CCDC50: variants seen among roughly 807,000 people sequenced by gnomAD.
The protein encoded by CCDC50 is coiled-coil domain containing 50, also known as coiled-coil domain-containing protein 50.
A neutral mutation model predicts 70.2 loss-of-function variants in CCDC50; 54 were observed. That is an observed-to-expected ratio of 0.77 (90% CI 0.62 to 0.96). CCDC50 has a LOEUF of 0.96. Ranked by LOEUF, CCDC50 falls within the 50% of genes least tolerant of loss-of-function variation. The pLI is 0.00. For missense variants in CCDC50, 558 were observed against 578.7 expected, an observed-to-expected ratio of 0.96 and a Z score of 0.37; for synonymous variants, 216 against 198.8, an observed-to-expected ratio of 1.09 and a Z score of -0.73.
rs1354888360 is a variant in CCDC50, at chr3:191,395,896, A to C, written c.*4136A>C. The stretch of plus-strand genomic sequence containing the variant: ...TATCTGCTTATCTTACTGTTGATAG[A>C]ATACTTTTTTTCTTTTTAGCCCATG... On this transcript the variant is annotated 3_prime_UTR_variant, in exon 12 of 12. Coordinates refer to ENST00000392455, the MANE Select transcript of CCDC50 (RefSeq NM_178335.3). The C allele has an allele frequency of 6.6e-6, 1 of 152,148 alleles. No individual in the cohort carries two copies. The highest frequency in any genetic ancestry group is 1.5e-5 in the Non-Finnish European group (1 of 68,004). The allele number at this position is 152,148 out of a possible 1,614,324, so 9.4% of individuals were successfully genotyped here.
Position 191,396,234 on chromosome 3 carries a change from T to G in CCDC50, c.*4474T>G, listed in dbSNP as rs1447529794. ...GGAGCAGTACTGCCTTAAATTAGTT[T>G]GACTCTGACTGATGTCAGTGTACGT... On this transcript the variant is annotated 3_prime_UTR_variant, in exon 12 of 12. Transcript: ENST00000392455. The G allele has an allele frequency of 1.3e-5, 2 of 152,194 alleles. No individual in the cohort carries two copies. The highest frequency in any genetic ancestry group is 2.9e-5 in the Non-Finnish European group (2 of 68,032). The allele number at this position is 152,194 out of a possible 1,614,324, so 9.4% of individuals were successfully genotyped here.
chr3:191,342,556 A>C (rs554794683), intron 1 of CCDC50, among the ~76,000 whole-genome samples: 2 of 152,290 alleles, frequency 1.3e-5, no homozygotes, highest in Admixed American at 6.5e-5. Context: ...GTAAACTTGT[A>C]CTTAAGCTGG....
At chr3:191,390,406 A>G (rs915893248) in intron 11 of CCDC50, among the ~76,000 whole-genome samples, 10 of 5,820 alleles carry the variant, frequency 1.7e-3, no homozygotes, top group African/African-American at 6.3e-3. Flanking sequence ...TCCAAGAAGA[A>G]GGTTCGAATA....
intron 10 of CCDC50, among the ~76,000 whole-genome samples, chr3:191,383,718 GCTTTCAGAAGATAAT>G (rs1263569020): frequency 1.3e-5 from 2 of 152,054 alleles, no homozygotes; most frequent in African/African-American, 4.8e-5. Context: ...AAACTCATTT[GCTTTCAGAAGATAAT>G]CTTTCAGAAA....
chr3:191,366,244 AT>A (rs1712685628), intron 4 of CCDC50, among the ~76,000 whole-genome samples: 1 of 152,174 alleles, frequency 6.6e-6, no homozygotes, highest in Admixed American at 6.6e-5. Flanking sequence ...AAGCTAAAGA[AT>A]TTGACACAGG....
intron 1 of CCDC50, among the ~76,000 whole-genome samples, chr3:191,349,307 T>C (rs1200640818): frequency 7.0e-6 from 1 of 142,458 alleles, no homozygotes; most frequent in Non-Finnish European, 1.6e-5. Context: ...TAGGGAGACA[T>C]TTCTTTTGTA....
At chr3:191,344,289 T>C (rs1250182798) in intron 1 of CCDC50, among the ~76,000 whole-genome samples, 15 of 152,336 alleles carry the variant, frequency 9.8e-5, no homozygotes. Flanking sequence ...TCTAGAGCAG[T>C]CCTATCTAAT....
chr3:191,330,060 A>T (rs909987878), intron 1 of CCDC50, among the ~76,000 whole-genome samples: 4 of 152,016 alleles, frequency 2.6e-5, no homozygotes, highest in Non-Finnish European at 5.9e-5. Context: ...CTCCGCTTCT[A>T]AAAAATCGAG....
At chr3:191,372,902 G>A (rs1216495793) in intron 5 of CCDC50, among the ~76,000 whole-genome samples, 2 of 152,004 alleles carry the variant, frequency 1.3e-5, no homozygotes, top group African/African-American at 2.4e-5. Context: ...ATAAAATGGA[G>A]ATTATAAAAG....
intron 1 of CCDC50, among the ~76,000 whole-genome samples, chr3:191,356,573 G>A (rs1712289474): frequency 6.6e-6 from 1 of 152,212 alleles, no homozygotes; most frequent in African/African-American, 2.4e-5. Context: ...GCCCCTACCT[G>A]AGGGACTAGT....
intron 4 of CCDC50, among the ~76,000 whole-genome samples, chr3:191,368,474 A>G (rs1016216898): frequency 6.6e-6 from 1 of 152,076 alleles, no homozygotes; most frequent in African/African-American, 2.4e-5. Context: ...TTGTAAGGCT[A>G]TTTGGATGAA....
rs186394243 is a variant in CCDC50, at chr3:191,350,295, C to T, written c.50-6793C>T. The stretch of plus-strand genomic sequence containing the variant: ...CTTTCTTGTTCATAGTAGATGTTTT[C>T]ATGTATACAGAACAAAGGAAAGCAA... On this transcript the variant is annotated intron_variant, in intron 1 of 11. Coordinates refer to ENST00000392455, the MANE Select transcript of CCDC50 (RefSeq NM_178335.3). Among the ~76,000 whole-genome samples, 51 of 141,836 alleles carry T rather than the reference C, an allele frequency of 3.6e-4. 6 individuals are homozygous for T. Among genetic ancestry groups the T allele is most frequent in the African/African-American group, 1.1e-3 (45 of 39,936 alleles). 93.0% of individuals were successfully genotyped at this position (141,836 alleles called of 152,430 possible). A position where few individuals can be genotyped will look rare whatever the true frequency, so the allele number is the denominator to read the frequency against.
At chr3:191,372,501 T>C (rs781703986) in intron 5 of CCDC50, among the ~76,000 whole-genome samples, 2 of 152,184 alleles carry the variant, frequency 1.3e-5, no homozygotes, top group Admixed American at 6.6e-5. Flanking sequence ...GCAGTGGTCC[T>C]TTTCCAACAC....
intron 4 of CCDC50, among the ~76,000 whole-genome samples, chr3:191,368,802 GC>G (rs1274286207): frequency 9.2e-5 from 14 of 152,092 alleles, no homozygotes; most frequent in Non-Finnish European, 1.5e-4. Flanking sequence ...ATTTGTATGA[GC>G]CTTTAAGAAT....
chr3:191,350,529 C>T (rs922721389), intron 1 of CCDC50, among the ~76,000 whole-genome samples: 3 of 141,750 alleles, frequency 2.1e-5, no homozygotes, highest in Non-Finnish European at 4.8e-5. Context: ...TTGTAATTTC[C>T]GAAAGTCTTA....
chr3:191,330,296 AACACAC>A (rs3048670), intron 1 of CCDC50: 5,976 of 137,072 alleles, frequency 0.044, 143 homozygotes, highest in Non-Finnish European at 0.058. Context: ...TTACAAACAA[AACACAC>A]ACACACACAC....
chr3:191,352,737 C>G (rs80051389), intron 1 of CCDC50, among the ~76,000 whole-genome samples: 1,767 of 136,162 alleles, frequency 0.013, 181 homozygotes, highest in African/African-American at 0.045. Flanking sequence ...GGAACCAAAC[C>G]TGCAGTATCT....
At chr3:191,389,469 C>A (rs775348874) in intron 10 of CCDC50, 27 bp from the exon 11 acceptor site, 2 of 1,557,440 alleles carry the variant, frequency 1.3e-6, no homozygotes, top group Non-Finnish European at 1.8e-6. Flanking sequence ...ACTTAGAATG[C>A]CCCTTTAAAT....
At position 191,380,915 on chromosome 3, in the gene CCDC50, CA is replaced by C; in HGVS notation, c.1227del (p.Asp410ThrfsTer38). The C allele has an allele frequency of 6.2e-7, 1 of 1,612,324 alleles. No homozygotes were observed. The highest frequency in any genetic ancestry group is 8.5e-7 in the Non-Finnish European group (1 of 1,178,868). On this transcript the variant is annotated frameshift_variant, in exon 9 of 12. Coordinates refer to ENST00000392455, the MANE Select transcript of CCDC50 (RefSeq NM_178335.3). LOFTEE classifies it high-confidence loss of function. ...GAAATCATCTTTGGACAAAAGAAAGCAAGACCCCGAGTGGAAGGTAGAGTGT... is the reference window on the plus strand; with the variant it reads ...GAAATCATCTTTGGACAAAAGAAAGCAGACCCCGAGTGGAAGGTAGAGTGT... ...REKSSLDKRK[Q>X]DPEWKPKTAK...
Sources: allele counts gnomAD v4.1 joint callset (sites outside exome capture counted in the v4.1 genomes callset), GRCh38; gene constraint gnomAD v4.1.1; transcripts MANE v1.5; gene names NCBI Gene and HGNC (gene_info 2026-07-23, HGNC 2026-07-21).